SEC23IP: variants seen among roughly 807,000 people sequenced by gnomAD.
SEC23IP encodes SEC23 interacting protein.
Under a neutral mutation model 113.4 loss-of-function variants are expected in SEC23IP, and 70 were observed. The ratio of observed to expected loss-of-function variants is 0.62; its 90% CI spans 0.51 to 0.75. The LOEUF (loss-of-function observed/expected upper bound fraction) is 0.75, where lower values mean the gene tolerates loss of function less well. Among genes scored for constraint, SEC23IP ranks in the 30% least tolerant of loss-of-function variants. The pLI, the probability that SEC23IP is intolerant of heterozygous loss-of-function variation, is 0.00. For missense variants in SEC23IP, 1,160 were observed against 1,204.9 expected (o/e 0.96, Z 0.55); for synonymous variants, 398 against 421.0 (o/e 0.95, Z 0.67).
intron 15 of SEC23IP, among the ~76,000 whole-genome samples, chr10:119,931,576 G>A (rs1195038364): frequency 8.2e-5 from 12 of 146,306 alleles, no homozygotes; most frequent in African/African-American, 2.3e-4. Context: ...TTTTTGAGTC[G>A]GAGTCTTGCT....
At chr10:119,892,980 A>G in intron 1 of SEC23IP, 35 bp downstream of exon 1, 1 of 1,591,820 alleles carries the variant, frequency 6.3e-7, no homozygotes, top group Non-Finnish European at 8.6e-7. Context: ...GTGTGGTGGG[A>G]GGCGGGCGGG....
rs754530335 is a variant in SEC23IP, at chr10:119,912,054, A to G, written c.1202A>G (p.Gln401Arg). 1.2e-6 allele frequency: 2 copies of G among 1,613,926 alleles called. No individual in the cohort carries two copies. The highest frequency in any genetic ancestry group is 2.7e-5 in the African/African-American group (2 of 74,942). ...TGTTGCATCTTGAAGGTTATTGTTC[A>G]GTTCCAGCCCTCCTCAGTGCCAGAT... ...IVMHNPKVIV[Q>R]FQPSSVPDEW... The change falls in exon 6 of 19, where the codon CAG (glutamine) becomes CGG (arginine). Residue 401 changes from glutamine to arginine, a missense_variant. Transcript: ENST00000369075.
intron 4 of SEC23IP, among the ~76,000 whole-genome samples, chr10:119,906,260 C>T (rs1442427830): frequency 8.0e-6 from 1 of 125,234 alleles, no homozygotes; most frequent in Non-Finnish European, 1.6e-5. Flanking sequence ...TTAGCCTGGG[C>T]AACAGAGCAA....
At chr10:119,915,594 T>C (rs1855023512) in intron 7 of SEC23IP, among the ~76,000 whole-genome samples, 154 bp from the exon 8 acceptor site, 1 of 152,208 alleles carries the variant, frequency 6.6e-6, no homozygotes, top group Admixed American at 6.5e-5. Context: ...CCTTTCTTTT[T>C]AAAAAATTTT....
intron 5 of SEC23IP, among the ~76,000 whole-genome samples, chr10:119,910,130 G>A (rs1423378545): frequency 1.3e-5 from 2 of 152,166 alleles, no homozygotes; most frequent in African/African-American, 4.8e-5. Flanking sequence ...GTAAACCAAT[G>A]GGTATGATAT....
chr10:119,895,848 A>T (rs1279785376), intron 1 of SEC23IP, among the ~76,000 whole-genome samples: 2 of 152,162 alleles, frequency 1.3e-5, no homozygotes, highest in Non-Finnish European at 2.9e-5. Flanking sequence ...CCCCCAGTAG[A>T]TCACTTTGAC....
At chr10:119,901,936 C>T (rs1854511266) in intron 2 of SEC23IP, among the ~76,000 whole-genome samples, 1 of 152,184 alleles carries the variant, frequency 6.6e-6, no homozygotes, top group Admixed American at 6.5e-5. Context: ...ATCCACCCAC[C>T]TCAGCCTCCC....
intron 6 of SEC23IP, among the ~76,000 whole-genome samples, chr10:119,913,664 G>T (rs906493471): frequency 6.6e-6 from 1 of 151,210 alleles, no homozygotes; most frequent in Non-Finnish European, 1.5e-5. Flanking sequence ...GCTAATTTTT[G>T]TATTTTTAGT....
At position 119,918,508 on chromosome 10, in the gene SEC23IP, G is replaced by T. The variant is rs771202705; in HGVS notation, c.1869G>T (p.Lys623Asn). 2.5e-6 allele frequency: 4 copies of T among 1,592,574 alleles called. No individual in the cohort carries two copies. In the Admixed American group the frequency reaches 6.7e-5, roughly 27 times the overall value. ...TGAAGCAGCTACATTTTCAGGAAAA[G>T]CAGGTACGTCTGTACGTGGCCAATT... ...GVVKQLHFQE[K>N]QMPEEPKLTL... Residue 623 changes from lysine (K) to asparagine (N), a missense_variant, in exon 10 of 19, where the codon AAG becomes AAT. By Grantham distance (94) the Lys-to-Asn change is moderately conservative (BLOSUM62 0). Transcript: ENST00000369075.
In SEC23IP at chr10:119,943,262, T is replaced by C. The variant is rs1564931801; in HGVS notation, c.*2697T>C. 1.3e-5 allele frequency: 2 copies of C among 152,202 alleles called. No homozygotes were observed. The highest frequency in any genetic ancestry group is 2.9e-5 in the Non-Finnish European group (2 of 68,026). The allele number at this position is 152,202 out of a possible 1,614,324, so 9.4% of individuals were successfully genotyped here. ...TTAGTTTGAGTCAGTTTCCCAGGGC[T>C]GGGTCCTCAGAGGAGAGTGGATAGA... On this transcript the variant is annotated 3_prime_UTR_variant, in exon 19 of 19. Transcript: ENST00000369075.
In SEC23IP at chr10:119,926,153, A is replaced by C; in HGVS notation, c.2239A>C (p.Arg747=). Residue 747 remains arginine (R), a synonymous_variant, in exon 13 of 19, where the codon AGG becomes CGG. Transcript: ENST00000369075. ...SLPSESNEPK[R]KLPVGACVSS... Reference sequence around the variant, plus strand: ...CCCCTCAGAATCCAATGAGCCAAAGAGGAAACTTCCAGTTGGTGCTTGCGT... The same window carrying C: ...CCCCTCAGAATCCAATGAGCCAAAGCGGAAACTTCCAGTTGGTGCTTGCGT... 6.2e-7 allele frequency: 1 copy of C among 1,614,166 alleles called. No homozygotes were observed. Among genetic ancestry groups the C allele is most frequent in the Non-Finnish European group, 8.5e-7 (1 of 1,180,018 alleles).
chr10:119,916,565 CTAT>C (rs1855060807), intron 8 of SEC23IP, among the ~76,000 whole-genome samples: 1 of 152,088 alleles, frequency 6.6e-6, no homozygotes. Context: ...ATGTTAGGCC[CTAT>C]TGTAAGGGTG....
rs1394644336 is a variant in SEC23IP, at chr10:119,940,596, C to T, written c.*31C>T. 65 of 148,194 alleles carry T rather than the reference C, an allele frequency of 4.4e-4. 1 individual carries two copies. The highest frequency in any genetic ancestry group is 1.5e-3 in the African/African-American group (62 of 40,198). The allele number at this position is 148,194 out of a possible 1,614,324, so 9.2% of individuals were successfully genotyped here. Reference sequence around the variant, plus strand: ...TTTTTCCTTTTTAAGACTTTCTTGTCTGCACAGAAAGTCCCAGTACAACTT... The same window carrying T: ...TTTTTCCTTTTTAAGACTTTCTTGTTTGCACAGAAAGTCCCAGTACAACTT... On this transcript the variant is annotated 3_prime_UTR_variant, in exon 19 of 19. Coordinates refer to ENST00000369075, the MANE Select transcript of SEC23IP (RefSeq NM_007190.4).
intron 4 of SEC23IP, among the ~76,000 whole-genome samples, chr10:119,907,014 T>G (rs529728501): frequency 1.4e-3 from 219 of 151,538 alleles, no homozygotes; most frequent in African/African-American, 5.1e-3. Context: ...TACAAAAGAC[T>G]AGGCTGGGCA....
chr10:119,904,063 AGT>A lies in SEC23IP; in HGVS notation c.908-18_908-17del. 1 of 1,609,776 alleles carries A rather than the reference AGT, an allele frequency of 6.2e-7. No individual in the cohort carries two copies. The highest frequency in any genetic ancestry group is 8.5e-7 in the Non-Finnish European group (1 of 1,176,652). On this transcript the variant is annotated intron_variant, in intron 3 of 18. Transcript: ENST00000369075. The stretch of plus-strand genomic sequence containing the variant: ...AATATGCCTTGCAGCAGTTAGGAAA[AGT>A]GTTAATTTTGTTCTCTAGTTCAGCC...
Position 119,893,044 on chromosome 10 carries a change from C to T in SEC23IP, c.163+99C>T, listed in dbSNP as rs1854145523. ...AGTTTTTCCTTCTGCCTCGAGCTAC[C>T]CTCTGGATAGCTTGCCAGGATCATT... On this transcript the variant is annotated intron_variant, in intron 1 of 18. Coordinates refer to ENST00000369075, the MANE Select transcript of SEC23IP (RefSeq NM_007190.4). 4 of 1,333,174 alleles carry T rather than the reference C, an allele frequency of 3.0e-6. No homozygotes were observed. The Admixed American group carries it at 6.9e-5, about 23-fold the overall frequency. 82.6% of individuals were successfully genotyped at this position (1,333,174 alleles called of 1,614,324 possible).
Position 119,918,507 on chromosome 10 carries a change from A to T in SEC23IP, c.1868A>T (p.Lys623Met). ...GVVKQLHFQE[K>M]QMPEEPKLTL... Reference sequence around the variant, plus strand: ...GTGAAGCAGCTACATTTTCAGGAAAAGCAGGTACGTCTGTACGTGGCCAAT... The same window carrying T: ...GTGAAGCAGCTACATTTTCAGGAAATGCAGGTACGTCTGTACGTGGCCAAT... The change falls in exon 10 of 19, where the codon AAG (lysine) becomes ATG (methionine). Residue 623 changes from lysine to methionine, a missense_variant. Transcript: ENST00000369075. 1 of 1,593,396 alleles carries T rather than the reference A, an allele frequency of 6.3e-7. No homozygotes were observed. Among genetic ancestry groups the T allele is most frequent in the Non-Finnish European group, 8.6e-7 (1 of 1,161,074 alleles).
At chr10:119,911,549 T>C (rs12768059) in intron 5 of SEC23IP, among the ~76,000 whole-genome samples, 8,326 of 152,092 alleles carry the variant, frequency 0.055, 431 homozygotes, top group South Asian at 0.27. Flanking sequence ...AAACACAGCT[T>C]ATTGCAGCCT....
intron 2 of SEC23IP, among the ~76,000 whole-genome samples, chr10:119,901,611 A>T (rs975796427): frequency 6.6e-5 from 10 of 152,326 alleles, no homozygotes; most frequent in East Asian, 3.9e-4. Context: ...CAATTAGCTG[A>T]GTTTTGACAG....
Sources: allele counts gnomAD v4.1 joint callset (sites outside exome capture counted in the v4.1 genomes callset), GRCh38; gene constraint gnomAD v4.1.1; transcripts MANE v1.5; gene names NCBI Gene and HGNC (gene_info 2026-07-23, HGNC 2026-07-21).